Variants in GALNT13 observed in about 807,000 individuals in gnomAD.
GALNT13 encodes UDP-GalNAc:polypeptide N-acetylgalactosaminyltransferase 13.
In GALNT13, 28 loss-of-function variants were observed where a neutral mutation model predicts 64.2. That is an observed-to-expected ratio of 0.44 (90% CI 0.32 to 0.60). The LOEUF (loss-of-function observed/expected upper bound fraction) is 0.60. Among genes scored for constraint, GALNT13 ranks in the 20% least tolerant of loss-of-function variants. GALNT13 has a pLI of 0.05. For synonymous variants in GALNT13, 214 were observed against 224.6 expected, an observed-to-expected ratio of 0.95 and a Z score of 0.42; for missense variants, 577 against 669.8, an observed-to-expected ratio of 0.86 and a Z score of 1.53.
chr2:154,232,864 C>T (rs1323225517), intron 4 of GALNT13, among the ~76,000 whole-genome samples: 5 of 147,782 alleles, frequency 3.4e-5, no homozygotes, highest in Non-Finnish European at 7.5e-5. Context: ...GAGACTTTGT[C>T]GCTACAAAAA....
the GALNT13 span, among the ~76,000 whole-genome samples, chr2:153,670,540 C>T: frequency 6.6e-6 from 1 of 152,194 alleles, no homozygotes; most frequent in Non-Finnish European, 1.5e-5. Context: ...AAAACCCTAT[C>T]CATACCTCAC....
At chr2:153,933,706 T>G (rs2105361868) in intron 2 of GALNT13, among the ~76,000 whole-genome samples, 1 of 152,264 alleles carries the variant, frequency 6.6e-6, no homozygotes, top group African/African-American at 2.4e-5. Flanking sequence ...TTTAAGTTTG[T>G]TTGTTTGTTT....
intron 4 of GALNT13, among the ~76,000 whole-genome samples, chr2:154,155,715 C>G (rs947346223): frequency 6.6e-6 from 1 of 151,822 alleles, no homozygotes; most frequent in Non-Finnish European, 1.5e-5. Flanking sequence ...CCTGTAGAAG[C>G]CAGTATACTT....
the GALNT13 span, among the ~76,000 whole-genome samples, chr2:153,111,020 C>T: frequency 6.6e-6 from 1 of 152,078 alleles, no homozygotes; most frequent in African/African-American, 2.4e-5. Context: ...TCTGCTCTAT[C>T]TCCTTCCATA....
chr2:153,164,445 C>T, the GALNT13 span, among the ~76,000 whole-genome samples: 1 of 151,954 alleles, frequency 6.6e-6, no homozygotes, highest in Non-Finnish European at 1.5e-5. Context: ...GTTGAGTATA[C>T]ATCTTGGCAA....
chr2:153,387,312 T>C, the GALNT13 span, among the ~76,000 whole-genome samples: 1 of 152,070 alleles, frequency 6.6e-6, no homozygotes, highest in African/African-American at 2.4e-5. Context: ...GACTAGGAGT[T>C]CGCAGCAGGT....
chr2:154,442,970 T>A (rs1489667565), intron 12 of GALNT13, among the ~76,000 whole-genome samples: 3 of 152,130 alleles, frequency 2.0e-5, no homozygotes, highest in Non-Finnish European at 2.9e-5. Flanking sequence ...AGGAATTTTT[T>A]TCCATAGGTG....
the GALNT13 span, among the ~76,000 whole-genome samples, chr2:153,142,317 C>T: frequency 1.3e-5 from 2 of 151,928 alleles, no homozygotes; most frequent in Admixed American, 6.6e-5. Context: ...GTTTTATTTG[C>T]CCAGTGCCCA....
At chr2:154,095,362 T>C (rs540506683) in intron 3 of GALNT13, among the ~76,000 whole-genome samples, 1 of 152,044 alleles carries the variant, frequency 6.6e-6, no homozygotes, top group African/African-American at 2.4e-5. Flanking sequence ...TATATGTTAC[T>C]GTATCACAAA....
the GALNT13 span, among the ~76,000 whole-genome samples, chr2:153,806,029 T>A: frequency 6.6e-6 from 1 of 152,068 alleles, no homozygotes; most frequent in South Asian, 2.1e-4. Context: ...CCAAAGAGCC[T>A]AGAAACAATG....
At chr2:154,045,972 A>T (rs1699261652) in intron 3 of GALNT13, among the ~76,000 whole-genome samples, 27 of 149,408 alleles carry the variant, frequency 1.8e-4, no homozygotes, top group Admixed American at 6.7e-5. Flanking sequence ...TTGCTTGTTC[A>T]TTTTTTTTCC....
At chr2:153,254,605 T>C in the GALNT13 span, among the ~76,000 whole-genome samples, 2 of 152,326 alleles carry the variant, frequency 1.3e-5, no homozygotes, top group African/African-American at 4.8e-5. Flanking sequence ...TGTGGGCATT[T>C]AGTGCTATAA....
At chr2:153,706,025 CCTAA>C in the GALNT13 span, among the ~76,000 whole-genome samples, 1 of 151,698 alleles carries the variant, frequency 6.6e-6, no homozygotes, top group Admixed American at 6.6e-5. Context: ...TGAGACAGAG[CCTAA>C]CTCTGTCGCC....
chr2:154,410,046 T>G (rs1292536931), intron 11 of GALNT13, among the ~76,000 whole-genome samples: 1 of 151,888 alleles, frequency 6.6e-6, no homozygotes, highest in Non-Finnish European at 1.5e-5. Flanking sequence ...AAAATCCTAA[T>G]TAGTGTTCCA....
intron 9 of GALNT13, among the ~76,000 whole-genome samples, chr2:154,320,514 T>C (rs1694565485): frequency 1.3e-5 from 2 of 152,184 alleles, no homozygotes; most frequent in South Asian, 4.1e-4. Flanking sequence ...GGCTACATTG[T>C]GCTCACAGAA....
chr2:153,109,797 G>A, the GALNT13 span, among the ~76,000 whole-genome samples: 2 of 152,128 alleles, frequency 1.3e-5, no homozygotes, highest in Admixed American at 6.6e-5. Flanking sequence ...CAGTGGTGAT[G>A]TGAGTGTGCA....
At chr2:153,168,085 G>A in the GALNT13 span, among the ~76,000 whole-genome samples, 1 of 152,200 alleles carries the variant, frequency 6.6e-6, no homozygotes, top group Non-Finnish European at 1.5e-5. Context: ...TCTCTTTGGA[G>A]ATCCAATGAG....
intron 4 of GALNT13, among the ~76,000 whole-genome samples, chr2:154,158,156 TC>T (rs1684532025): frequency 6.6e-6 from 1 of 152,142 alleles, no homozygotes; most frequent in Non-Finnish European, 1.5e-5. Flanking sequence ...CTGGATATCT[TC>T]CCTTGACTAT....
the GALNT13 span, among the ~76,000 whole-genome samples, chr2:153,172,492 A>T: frequency 5.9e-5 from 9 of 152,158 alleles, no homozygotes; most frequent in African/African-American, 1.9e-4. Context: ...GATTTAAAGC[A>T]CCACTGAGAG....
Sources: allele counts gnomAD v4.1 joint callset (sites outside exome capture counted in the v4.1 genomes callset), GRCh38; gene constraint gnomAD v4.1.1; transcripts MANE v1.5; gene names NCBI Gene and HGNC (gene_info 2026-07-23, HGNC 2026-07-21).